PLEKHA2: variants seen among roughly 807,000 people sequenced by gnomAD.
The protein encoded by PLEKHA2 is pleckstrin homology domain-containing family A member 2.
Under a neutral mutation model 53.2 loss-of-function variants are expected in PLEKHA2, and 28 were observed. The observed-to-expected ratio is 0.53, with a 90% CI of 0.39 to 0.72. PLEKHA2 has a LOEUF of 0.72. Among genes scored for constraint, PLEKHA2 ranks in the 30% least tolerant of loss-of-function variants. The pLI is 0.00. For missense variants in PLEKHA2, 426 were observed against 537.9 expected (o/e 0.79, Z 2.06); for synonymous variants, 193 against 196.4 (o/e 0.98, Z 0.14).
intron 10 of PLEKHA2, among the ~76,000 whole-genome samples, chr8:38,965,737 C>T (rs1835123910): frequency 6.6e-6 from 1 of 152,082 alleles, no homozygotes; most frequent in Non-Finnish European, 1.5e-5. Flanking sequence ...ATGGAGAGGG[C>T]AATGCGCTTA....
chr8:38,917,096 C>T (rs937946448), intron 1 of PLEKHA2, among the ~76,000 whole-genome samples: 4 of 152,150 alleles, frequency 2.6e-5, no homozygotes, highest in Admixed American at 2.6e-4. Flanking sequence ...CTGTTTAAAT[C>T]TTTTGTCCAT....
chr8:38,958,002 C>T (rs1177409008), intron 10 of PLEKHA2, among the ~76,000 whole-genome samples: 1 of 152,176 alleles, frequency 6.6e-6, no homozygotes, highest in Admixed American at 6.5e-5. Context: ...GATTCGCAGC[C>T]CCGTGGTGAT....
Position 38,971,397 on chromosome 8 carries a change from A to T in PLEKHA2, c.*1614A>T, listed in dbSNP as rs1337014100. On this transcript the variant is annotated 3_prime_UTR_variant, in exon 12 of 12. Coordinates refer to ENST00000617275, the MANE Select transcript of PLEKHA2 (RefSeq NM_021623.2). ...TATGTATTTTTGAGTGATCGAGGTT[A>T]TGACATACTTGGAGCGGCATGATTT... The T allele has an allele frequency of 6.5e-6, 1 of 152,836 alleles. No homozygotes were observed. The highest frequency in any genetic ancestry group is 1.9e-4 in the East Asian group (1 of 5,190). The allele number at this position is 152,836 out of a possible 1,614,324, so 9.5% of individuals were successfully genotyped here. A position where few individuals can be genotyped will look rare whatever the true frequency, so the allele number is the denominator to read the frequency against.
At chr8:38,951,854 G>A (rs1834849485) in intron 6 of PLEKHA2, among the ~76,000 whole-genome samples, 1 of 152,002 alleles carries the variant, frequency 6.6e-6, no homozygotes, top group Non-Finnish European at 1.5e-5. Flanking sequence ...CTACACGCCT[G>A]GGTAATTCTT....
intron 5 of PLEKHA2, among the ~76,000 whole-genome samples, chr8:38,948,771 G>A (rs892735749): frequency 4.6e-5 from 7 of 152,154 alleles, no homozygotes; most frequent in African/African-American, 7.2e-5. Flanking sequence ...GTGACGTCCC[G>A]GCAGATAGAT....
intron 5 of PLEKHA2, among the ~76,000 whole-genome samples, 151 bp downstream of exon 5, chr8:38,946,372 T>G (rs1274113007): frequency 6.6e-6 from 1 of 152,232 alleles, no homozygotes; most frequent in African/African-American, 2.4e-5. Flanking sequence ...GTCTTTTTCC[T>G]TGGCTGACCA....
chr8:38,960,085 A>G (rs1835014984), intron 10 of PLEKHA2, among the ~76,000 whole-genome samples: 1 of 152,216 alleles, frequency 6.6e-6, no homozygotes, highest in Non-Finnish European at 1.5e-5. Context: ...CCAACCAAAA[A>G]ATGTTCCAAA....
intron 11 of PLEKHA2, chr8:38,968,880 G>T: frequency 6.4e-6 from 3 of 470,226 alleles, no homozygotes; most frequent in Non-Finnish European, 1.1e-5. Context: ...GGTAGGGTTA[G>T]ATAGAGAAAT....
chr8:38,969,674 G>C lies in PLEKHA2; in HGVS notation c.1169G>C (p.Gly390Ala). ...TPRPGEGSAP[G>A]VLPSSRIRHR... ...CGTCCTGGGGAGGGCAGCGCTCCTG[G>C]GGTGCTGCCCAGCTCCCGGATAAGG... The change falls in exon 12 of 12, where the codon GGG (glycine) becomes GCG (alanine). Residue 390 changes from glycine to alanine, a missense_variant. Physicochemically the swap from Gly to Ala is moderately conservative, Grantham distance 60. Transcript: ENST00000617275. The C allele has an allele frequency of 6.3e-7, 1 of 1,585,128 alleles. No homozygotes were observed. The highest frequency in any genetic ancestry group is 8.6e-7 in the Non-Finnish European group (1 of 1,165,900).
At chr8:38,934,313 C>T (rs1834451869) in intron 2 of PLEKHA2, among the ~76,000 whole-genome samples, 1 of 152,110 alleles carries the variant, frequency 6.6e-6, no homozygotes, top group South Asian at 2.1e-4. Context: ...CTTCTTAAGG[C>T]TATCTCCTGA....
chr8:38,936,176 C>G, intron 3 of PLEKHA2, 126 bp downstream of exon 3: 1 of 990,658 alleles, frequency 1.0e-6, no homozygotes, highest in Non-Finnish European at 1.6e-6. Context: ...AAATGCTCCC[C>G]TGAACCCACA....
chr8:38,951,012 G>GC, intron 6 of PLEKHA2, 22 bp downstream of exon 6: 1 of 1,610,190 alleles, frequency 6.2e-7, no homozygotes, highest in Non-Finnish European at 8.5e-7. Flanking sequence ...GACTGGGGCT[G>GC]CGGGGGGAGT....
At chr8:38,936,776 C>T (rs922276061) in intron 3 of PLEKHA2, among the ~76,000 whole-genome samples, 2 of 152,214 alleles carry the variant, frequency 1.3e-5, no homozygotes, top group Admixed American at 1.3e-4. Context: ...CGTGATGCAG[C>T]GGTGATAAAA....
At chr8:38,958,794 G>C (rs1170134169) in intron 10 of PLEKHA2, among the ~76,000 whole-genome samples, 1 of 152,164 alleles carries the variant, frequency 6.6e-6, no homozygotes, top group Non-Finnish European at 1.5e-5. Context: ...AGAGTGCTGG[G>C]CATTTTGTCT....
chr8:38,966,911 C>T (rs536012857), intron 10 of PLEKHA2, among the ~76,000 whole-genome samples: 2 of 151,882 alleles, frequency 1.3e-5, no homozygotes, highest in South Asian at 2.1e-4. Context: ...GTGCATCGTA[C>T]GCATCAAGTA....
intron 1 of PLEKHA2, among the ~76,000 whole-genome samples, chr8:38,911,170 C>T (rs543439960): frequency 5.3e-5 from 8 of 152,054 alleles, no homozygotes; most frequent in South Asian, 4.2e-4. Context: ...AGTTTCATTA[C>T]GGTATGAGAG....
rs565240535 is a variant in PLEKHA2 at position 38,911,171 on chromosome 8, G to A, written c.-23-6736G>A. On this transcript the variant is annotated intron_variant, in intron 1 of 11. Coordinates refer to ENST00000617275, the MANE Select transcript of PLEKHA2 (RefSeq NM_021623.2). ...GCTACTTGCCAGATAGTTTCATTAC[G>A]GTATGAGAGCAAAGGTGAAGGGACC... 2.8e-4 allele frequency among the ~76,000 whole-genome samples: 43 copies of A among 152,170 alleles called. 1 individual carries two copies. The South Asian group carries it at 6.2e-3, about 22-fold the overall frequency.
intron 3 of PLEKHA2, among the ~76,000 whole-genome samples, chr8:38,939,315 A>G (rs1375625120): frequency 1.3e-5 from 2 of 152,210 alleles, no homozygotes; most frequent in Non-Finnish European, 1.5e-5. Flanking sequence ...GGCTTCACCT[A>G]TTGTAAAGCT....
chr8:38,912,312 A>AAAAC (rs561001146), intron 1 of PLEKHA2, among the ~76,000 whole-genome samples: 2 of 152,376 alleles, frequency 1.3e-5, no homozygotes, highest in Admixed American at 1.3e-4. Context: ...CTCAAAAAAC[A>AAAAC]AAACAAACAA....
Sources: allele counts gnomAD v4.1 joint callset (sites outside exome capture counted in the v4.1 genomes callset), GRCh38; gene constraint gnomAD v4.1.1; transcripts MANE v1.5; gene names NCBI Gene and HGNC (gene_info 2026-07-23, HGNC 2026-07-21).